Variants in BARD1 observed in about 807,000 individuals in gnomAD.
The protein encoded by BARD1 is BRCA1 associated RING domain 1.
Under a neutral mutation model 77.0 loss-of-function variants are expected in BARD1, and 73 were observed. That is an observed-to-expected ratio of 0.95 (90% CI 0.79 to 1.15). The LOEUF (loss-of-function observed/expected upper bound fraction) is 1.15, where lower values mean the gene tolerates loss of function less well. Ranked by LOEUF, BARD1 falls within the 50% of genes most tolerant of loss-of-function variation. The probability of loss-of-function intolerance (pLI) is 0.00; values close to 1 mark genes in which losing one functional copy is unlikely to be tolerated. For missense variants in BARD1, 993 were observed against 938.8 expected, an observed-to-expected ratio of 1.06 and a Z score of -0.75; for synonymous variants, 384 against 338.0, an observed-to-expected ratio of 1.14 and a Z score of -1.49.
chr2:214,796,364 G>T (rs1256744836), intron 2 of BARD1, among the ~76,000 whole-genome samples: 1 of 152,160 alleles, frequency 6.6e-6, no homozygotes, highest in African/African-American at 2.4e-5. Context: ...GGCTCTAGAC[G>T]ATCAAGTTAA....
chr2:214,791,688 A>C (rs1371482933), intron 3 of BARD1, among the ~76,000 whole-genome samples: 1 of 152,214 alleles, frequency 6.6e-6, no homozygotes, highest in Non-Finnish European at 1.5e-5. Context: ...AAATGTGCTC[A>C]TCTAATTAAT....
In BARD1 at chr2:214,726,703, AAAT is replaced by A. The variant is rs1692098072; in HGVS notation, c.*1970_*1972del. 1 of 227,826 alleles carries A rather than the reference AAAT, an allele frequency of 4.4e-6. No individual in the cohort carries two copies. Among genetic ancestry groups the A allele is most frequent in the Non-Finnish European group, 8.7e-6 (1 of 115,156 alleles). The allele number at this position is 227,826 out of a possible 1,614,324, so 14.1% of individuals were successfully genotyped here. A position where few individuals can be genotyped will look rare whatever the true frequency, so the allele number is the denominator to read the frequency against. On this transcript the variant is annotated 3_prime_UTR_variant, in exon 11 of 11. Transcript: ENST00000260947. Reference sequence around the variant, plus strand: ...CTTGAATCTATGATTGAAAAATAAAAAATAATTACATGTATATCTACACAGAAA... The same window carrying A: ...CTTGAATCTATGATTGAAAAATAAAAAATTACATGTATATCTACACAGAAA...
At chr2:214,803,014 T>C (rs903086466) in intron 1 of BARD1, among the ~76,000 whole-genome samples, 2 of 152,114 alleles carry the variant, frequency 1.3e-5, no homozygotes, top group South Asian at 2.1e-4. Flanking sequence ...TGTTAATCTA[T>C]GACCCTACCC....
At chr2:214,735,025 A>T (rs544384199) in intron 9 of BARD1, among the ~76,000 whole-genome samples, 3 of 152,300 alleles carry the variant, frequency 2.0e-5, no homozygotes, top group Admixed American at 6.5e-5. Flanking sequence ...ATTTCCATCA[A>T]CTGATCAATA....
At chr2:214,733,033 G>A (rs987793121) in intron 9 of BARD1, among the ~76,000 whole-genome samples, 1 of 152,108 alleles carries the variant, frequency 6.6e-6, no homozygotes, top group Non-Finnish European at 1.5e-5. Context: ...AATAACTTAC[G>A]AGGTAGAAAA....
chr2:214,804,546 T>C (rs753431095), intron 1 of BARD1, among the ~76,000 whole-genome samples: 10 of 152,246 alleles, frequency 6.6e-5, no homozygotes, highest in Non-Finnish European at 1.3e-4. Flanking sequence ...TCTGTATGTA[T>C]GTTAAACTTC....
At position 214,809,395 on chromosome 2, in the gene BARD1, A is replaced by C. The variant is rs1336439749; in HGVS notation, c.158+17T>G. 6.2e-7 allele frequency: 1 copy of C among 1,612,242 alleles called. No individual in the cohort carries two copies. The highest frequency in any genetic ancestry group is 1.7e-5 in the Admixed American group (1 of 59,982). On this transcript the variant is annotated intron_variant, in intron 1 of 10. Transcript: ENST00000260947. ...ACCCGTGCCCTCGCAGCCACCCCCA[A>C]GAAGCTCCGTCTTTACCAACGCGAG...
chr2:214,730,355 GATA>G, intron 10 of BARD1, 53 bp downstream of exon 10: 1 of 1,464,160 alleles, frequency 6.8e-7, no homozygotes, highest in Non-Finnish European at 9.6e-7. Context: ...TCCTGATGGT[GATA>G]ATAATAGTAT....
At chr2:214,792,177 T>A in intron 3 of BARD1, 120 bp downstream of exon 3, 1 of 1,000,114 alleles carries the variant, frequency 1.0e-6, no homozygotes, top group Non-Finnish European at 1.4e-6. Context: ...AACCTACAGA[T>A]TTTAAAATCT....
rs1048171 is a variant in BARD1 at position 214,725,885 on chromosome 2, G to A, written c.*2791C>T. 4.5e-6 allele frequency: 1 copy of A among 223,884 alleles called. No individual in the cohort carries two copies. Among genetic ancestry groups the A allele is most frequent in the South Asian group, 1.8e-4 (1 of 5,452 alleles). The allele number at this position is 223,884 out of a possible 1,614,324, so 13.9% of individuals were successfully genotyped here. On this transcript the variant is annotated 3_prime_UTR_variant, in exon 11 of 11. Transcript: ENST00000260947. ...CATGAACGTTTAGAATATGATTAAT[G>A]CATTTTCCACACTGACCCATGGAAA... is the stretch of plus-strand genomic sequence containing the variant.
At position 214,781,482 on chromosome 2, in the gene BARD1, C is replaced by A; in HGVS notation, c.392G>T (p.Ser131Ile). ...SDLKEDKPRK[S>I]LFNDAGNKKN... Reference sequence around the variant, plus strand: ...CTTGTTTCCTGCATCATTAAACAAACTTTTCCTAGGTTTATCTTCTTTCAA... The same window carrying A: ...CTTGTTTCCTGCATCATTAAACAAAATTTTCCTAGGTTTATCTTCTTTCAA... Residue 131 changes from serine (S) to isoleucine (I), a missense_variant, in exon 4 of 11, where the codon AGT becomes ATT. Coordinates refer to ENST00000260947, the MANE Select transcript of BARD1 (RefSeq NM_000465.4). 6.2e-7 allele frequency: 1 copy of A among 1,611,750 alleles called. No individual in the cohort carries two copies. The highest frequency in any genetic ancestry group is 1.1e-5 in the South Asian group (1 of 90,462).
intron 7 of BARD1, 115 bp from the exon 8 acceptor site, chr2:214,745,969 A>C (rs1693096861): frequency 1.6e-6 from 2 of 1,214,454 alleles, no homozygotes; most frequent in African/African-American, 3.0e-5. Flanking sequence ...TACTCTAATA[A>C]TTTTCAATTA....
intron 8 of BARD1, among the ~76,000 whole-genome samples, chr2:214,745,448 T>C (rs751805492): frequency 2.0e-5 from 3 of 152,232 alleles, no homozygotes; most frequent in Non-Finnish European, 4.4e-5. Context: ...TGCACAACAA[T>C]TTATTTGTCA....
chr2:214,745,237 C>T, intron 8 of BARD1, 78 bp from the exon 9 acceptor site: 1 of 1,254,498 alleles, frequency 8.0e-7, no homozygotes, highest in Non-Finnish European at 1.2e-6. Context: ...TATAACTCAT[C>T]TATATTTTGT....
In BARD1 at chr2:214,809,646, G is replaced by GT. The variant is rs1369698071; in HGVS notation, c.-78_-77insA. 1 of 1,504,730 alleles carries GT rather than the reference G, an allele frequency of 6.6e-7. No homozygotes were observed. The highest frequency in any genetic ancestry group is 1.4e-5 in the African/African-American group (1 of 72,390). The allele number at this position is 1,504,730 out of a possible 1,614,324, so 93.2% of individuals were successfully genotyped here. The stretch of plus-strand genomic sequence containing the variant: ...TCGGGAAACCACAGGGAAGCTGCAG[G>GT]CCAGCGACTCGAAACCGGCCAAGCT... On this transcript the variant is annotated 5_prime_UTR_variant, in exon 1 of 11. Coordinates refer to ENST00000260947, the MANE Select transcript of BARD1 (RefSeq NM_000465.4).
intron 9 of BARD1, among the ~76,000 whole-genome samples, chr2:214,740,399 TATTA>T (rs10553890): frequency 0.31 from 46,828 of 151,564 alleles, 7,381 homozygotes; most frequent in South Asian, 0.4. Flanking sequence ...AATTTCAACG[TATTA>T]ATTTATTCCT....
intron 6 of BARD1, among the ~76,000 whole-genome samples, chr2:214,759,429 T>C (rs1350185224): frequency 2.6e-5 from 4 of 152,176 alleles, no homozygotes; most frequent in African/African-American, 9.7e-5. Flanking sequence ...CAATGATGTT[T>C]TGAACAGTTA....
intron 4 of BARD1, among the ~76,000 whole-genome samples, chr2:214,778,025 G>A (rs904128705): frequency 6.6e-5 from 10 of 152,006 alleles, no homozygotes; most frequent in African/African-American, 1.2e-4. Context: ...GTGAAACTCC[G>A]TCTCTACTAA....
chr2:214,745,865 A>C lies in BARD1; in HGVS notation c.1678-11T>G, dbSNP rs1553615185. ...CTGCCCAGTGTTCATCTGTTAATATAAAAGGAGATACCAGTGTTAAAAACA... is the reference window on the plus strand; with the variant it reads ...CTGCCCAGTGTTCATCTGTTAATATCAAAGGAGATACCAGTGTTAAAAACA... On this transcript the variant is annotated splice_polypyrimidine_tract_variant and intron_variant, in intron 7 of 10. Transcript: ENST00000260947. 2 of 1,613,842 alleles carry C rather than the reference A, an allele frequency of 1.2e-6. No individual in the cohort carries two copies. Among genetic ancestry groups the C allele is most frequent in the South Asian group, 2.2e-5 (2 of 91,076 alleles).
Sources: gnomAD v4.1 joint callset for allele counts (sites outside exome capture counted in the v4.1 genomes callset) on GRCh38, gnomAD v4.1.1 for gene constraint, MANE v1.5 for transcripts, NCBI Gene and HGNC (gene_info 2026-07-23, HGNC 2026-07-21) for gene names.